The following OTOGL variants were observed in gnomAD, a reference collection of about 807,000 sequenced individuals.
The protein encoded by OTOGL is otogelin-like protein.
Under a neutral mutation model 318.5 loss-of-function variants are expected in OTOGL, and 285 were observed. The ratio of observed to expected loss-of-function variants is 0.89; its 90% CI spans 0.81 to 0.99. The LOEUF is 0.99. Ranked by LOEUF, OTOGL falls within the 50% of genes least tolerant of loss-of-function variation. The pLI, the probability that OTOGL is intolerant of heterozygous loss-of-function variation, is 0.00. For missense variants in OTOGL, 2,899 were observed against 2,845.6 expected (o/e 1.02, Z -0.43); for synonymous variants, 987 against 936.5 (o/e 1.05, Z -0.99).
At chr12:80,277,308 CTT>C (rs1413152424) in intron 24 of OTOGL, among the ~76,000 whole-genome samples, 1 of 145,810 alleles carries the variant, frequency 6.9e-6, no homozygotes, top group Non-Finnish European at 1.5e-5. Context: ...TTTATTAAAA[CTT>C]TTAGAAAAAA....
At chr12:80,253,662 T>C in intron 14 of OTOGL, 88 bp downstream of exon 14, 1 of 969,476 alleles carries the variant, frequency 1.0e-6, no homozygotes, top group Non-Finnish European at 1.5e-6. Context: ...AATATACTCA[T>C]TACTAATTTA....
intron 4 of OTOGL, among the ~76,000 whole-genome samples, chr12:80,212,935 A>G (rs372129199): frequency 2.9e-4 from 44 of 152,290 alleles, no homozygotes; most frequent in African/African-American, 9.4e-4. Flanking sequence ...GTTACTGGAA[A>G]GGGGTCCTGA....
chr12:80,303,939 C>T (rs540644770), intron 28 of OTOGL, among the ~76,000 whole-genome samples: 1 of 152,308 alleles, frequency 6.6e-6, no homozygotes, highest in Admixed American at 6.5e-5. Flanking sequence ...ATAGAACATA[C>T]CTGTCAACCT....
intron 35 of OTOGL, among the ~76,000 whole-genome samples, chr12:80,325,239 A>G (rs1887605000): frequency 6.6e-6 from 1 of 152,114 alleles, no homozygotes; most frequent in Non-Finnish European, 1.5e-5. Flanking sequence ...AATGTTGCCA[A>G]TAGGTAAGAT....
At chr12:80,184,182 C>A (rs1303225387) in intron 1 of OTOGL, among the ~76,000 whole-genome samples, 1 of 152,182 alleles carries the variant, frequency 6.6e-6, no homozygotes, top group East Asian at 1.9e-4. Flanking sequence ...TCAACCCAGT[C>A]ATGACCTTAA....
At chr12:80,205,158 C>A (rs1050303064) in intron 1 of OTOGL, among the ~76,000 whole-genome samples, 29 of 152,236 alleles carry the variant, frequency 1.9e-4, no homozygotes, top group African/African-American at 6.7e-4. Context: ...GAGAAACCAA[C>A]TTTATGGTAT....
At chr12:80,339,009 T>C in intron 42 of OTOGL, 66 bp from the exon 43 acceptor site, 2 of 1,251,706 alleles carry the variant, frequency 1.6e-6, no homozygotes, top group Non-Finnish European at 2.2e-6. Flanking sequence ...AAAGGAATAA[T>C]CTGTATTCTC....
chr12:80,148,911 C>T (rs1316507455), intron 1 of OTOGL, among the ~76,000 whole-genome samples: 1 of 152,178 alleles, frequency 6.6e-6, no homozygotes, highest in Non-Finnish European at 1.5e-5. Context: ...CCATCAGCTC[C>T]TTTAAGCACT....
intron 5 of OTOGL, 114 bp downstream of exon 5, chr12:80,217,778 G>C (rs1263864671): frequency 2.7e-6 from 2 of 737,164 alleles, no homozygotes; most frequent in Non-Finnish European, 4.3e-6. Flanking sequence ...AGTGAGCCAG[G>C]ATGGTAGTAA....
chr12:80,124,232 A>C (rs1484322845), intron 1 of OTOGL, among the ~76,000 whole-genome samples: 1 of 152,116 alleles, frequency 6.6e-6, no homozygotes, highest in East Asian at 1.9e-4. Flanking sequence ...TAAGGAAGGG[A>C]TCCAGTTTCA....
chr12:80,335,452 A>G (rs1216544153), intron 38 of OTOGL, among the ~76,000 whole-genome samples: 1 of 152,064 alleles, frequency 6.6e-6, no homozygotes, highest in Admixed American at 6.6e-5. Context: ...TTATTTATTT[A>G]TTATTTGTTT....
chr12:80,241,590 A>G (rs1272585568), intron 11 of OTOGL, among the ~76,000 whole-genome samples: 2 of 152,006 alleles, frequency 1.3e-5, no homozygotes, highest in Non-Finnish European at 2.9e-5. Flanking sequence ...TCATCTTTTC[A>G]ATTGCCTTAT....
At chr12:80,210,795 G>T in intron 2 of OTOGL, 52 bp from the exon 3 acceptor site, 3 of 1,191,516 alleles carry the variant, frequency 2.5e-6, no homozygotes, top group South Asian at 1.7e-5. Context: ...GGAACATGTA[G>T]CCAATATATT....
At chr12:80,301,773 A>T (rs1249760825) in intron 27 of OTOGL, among the ~76,000 whole-genome samples, 1 of 152,188 alleles carries the variant, frequency 6.6e-6, no homozygotes, top group Non-Finnish European at 1.5e-5. Context: ...CATGAGGGTT[A>T]GGTCCCAAGA....
chr12:80,336,535 G>A lies in OTOGL; in HGVS notation c.4723G>A (p.Glu1575Lys), dbSNP rs577690596. The change falls in exon 40 of 59, where the codon GAA (glutamate) becomes AAA (lysine). Residue 1575 changes from glutamate to lysine, a missense_variant. Physicochemically the swap from Glu to Lys is moderately conservative, Grantham distance 56 (BLOSUM62 1). Coordinates refer to ENST00000547103, the MANE Select transcript of OTOGL (RefSeq NM_001378609.3). ...IPGEIIVAHI[E>K]KCSMNQNGNS... ...TGGTGAAATTATAGTTGCTCATATC[G>A]AAAAATGTTCCATGAATCAGGTGGG... 3.3e-5 allele frequency: 53 copies of A among 1,607,672 alleles called. No homozygotes were observed. The East Asian group carries it at 8.5e-4, about 26-fold the overall frequency.
At chr12:80,271,124 C>T (rs952042846) in intron 23 of OTOGL, among the ~76,000 whole-genome samples, 4 of 152,094 alleles carry the variant, frequency 2.6e-5, no homozygotes, top group Admixed American at 2.6e-4. Flanking sequence ...GGGTGACTCG[C>T]CCCCATTTGA....
At chr12:80,377,059 A>G in intron 57 of OTOGL, 64 bp from the exon 58 acceptor site, 2 of 1,135,078 alleles carry the variant, frequency 1.8e-6, no homozygotes, top group East Asian at 2.6e-5. Context: ...ATATTCATAT[A>G]TTTAATTTAA....
At chr12:80,107,817 G>T (rs1233872809) in intron 1 of OTOGL, among the ~76,000 whole-genome samples, 2 of 152,092 alleles carry the variant, frequency 1.3e-5, no homozygotes, top group African/African-American at 4.8e-5. Flanking sequence ...GGAGCTGGAG[G>T]CCATTATCCC....
chr12:80,220,510 A>C (rs1355062905), intron 6 of OTOGL, among the ~76,000 whole-genome samples: 1 of 149,670 alleles, frequency 6.7e-6, no homozygotes, highest in Non-Finnish European at 1.5e-5. Context: ...TTGCTTTATA[A>C]AACAGATTTA....
Sources: gnomAD v4.1 joint callset for allele counts (sites outside exome capture counted in the v4.1 genomes callset) on GRCh38, gnomAD v4.1.1 for gene constraint, MANE v1.5 for transcripts, NCBI Gene and HGNC (gene_info 2026-07-23, HGNC 2026-07-21) for gene names.